The following SMAP1 variants were observed in gnomAD, a reference collection of about 807,000 sequenced individuals.
SMAP1 encodes small ArfGAP 1.
In SMAP1, 24 loss-of-function variants were observed where a neutral mutation model predicts 58.5. The observed-to-expected ratio is 0.41, with a 90% CI of 0.30 to 0.58. The LOEUF is 0.58. SMAP1 is among the 20% of genes least tolerant of loss of function. The probability of loss-of-function intolerance (pLI) is 0.29; values close to 1 mark genes in which losing one functional copy is unlikely to be tolerated. For missense variants in SMAP1, 563 were observed against 566.3 expected, an observed-to-expected ratio of 0.99 and a Z score of 0.06; for synonymous variants, 216 against 196.6, an observed-to-expected ratio of 1.10 and a Z score of -0.82.
At chr6:70,850,400 T>C (rs2150008176) in intron 7 of SMAP1, among the ~76,000 whole-genome samples, 1 of 152,244 alleles carries the variant, frequency 6.6e-6, no homozygotes, top group East Asian at 1.9e-4. Context: ...AAAACAACTA[T>C]AACGGAAAAA....
At chr6:70,852,466 A>G (rs1057449131) in intron 7 of SMAP1, 74 bp from the exon 8 acceptor site, 8 of 1,325,030 alleles carry the variant, frequency 6.0e-6, no homozygotes, top group Admixed American at 2.9e-5. Context: ...CCATATATCA[A>G]TTTTTAAAAT....
chr6:70,765,696 T>G (rs1766942175), intron 3 of SMAP1, among the ~76,000 whole-genome samples: 1 of 152,108 alleles, frequency 6.6e-6, no homozygotes, highest in Admixed American at 6.5e-5. Context: ...TGACAAATTT[T>G]TATTTTACAA....
chr6:70,801,508 TTTTAG>T (rs1317021356), intron 6 of SMAP1, among the ~76,000 whole-genome samples: 5 of 152,126 alleles, frequency 3.3e-5, no homozygotes, highest in African/African-American at 9.7e-5. Flanking sequence ...TGCAGAAGCT[TTTTAG>T]TTTAATTAGA....
intron 2 of SMAP1, among the ~76,000 whole-genome samples, chr6:70,748,943 T>C (rs553275607): frequency 2.6e-5 from 4 of 152,178 alleles, no homozygotes; most frequent in South Asian, 2.1e-4. Context: ...AAAAATCTTT[T>C]GACCCATAGG....
At chr6:70,727,913 A>G (rs1168923766) in intron 1 of SMAP1, among the ~76,000 whole-genome samples, 1 of 152,114 alleles carries the variant, frequency 6.6e-6, no homozygotes, top group Non-Finnish European at 1.5e-5. Context: ...AAATACAAAA[A>G]TTAGCTGGGC....
intron 6 of SMAP1, among the ~76,000 whole-genome samples, chr6:70,806,301 G>A (rs1769127998): frequency 6.6e-6 from 1 of 152,214 alleles, no homozygotes; most frequent in Admixed American, 6.5e-5. Flanking sequence ...TGTGAGCGTG[G>A]GACCTGCCAA....
In SMAP1 at chr6:70,803,497, A is replaced by G. The variant is rs184919710; in HGVS notation, c.576+4760A>G. 2.6e-5 allele frequency among the ~76,000 whole-genome samples: 4 copies of G among 151,882 alleles called. No individual in the cohort carries two copies. In the East Asian group the frequency reaches 7.7e-4, roughly 29 times the overall value. ...GTTTTTTTGTGTCTCTATTTCCTTCAGTTCTGCTCTGATCTTAGTTATTTC... is the reference window on the plus strand; with the variant it reads ...GTTTTTTTGTGTCTCTATTTCCTTCGGTTCTGCTCTGATCTTAGTTATTTC... On this transcript the variant is annotated intron_variant, in intron 6 of 10. Coordinates refer to ENST00000370455, the MANE Select transcript of SMAP1 (RefSeq NM_001044305.3).
At chr6:70,697,985 A>G (rs979323687) in intron 1 of SMAP1, among the ~76,000 whole-genome samples, 1 of 152,140 alleles carries the variant, frequency 6.6e-6, no homozygotes, top group Admixed American at 6.5e-5. Context: ...TTGTGTGCTT[A>G]CTATTACCAG....
chr6:70,835,542 GT>G (rs1562194112), intron 6 of SMAP1, among the ~76,000 whole-genome samples: 1 of 152,066 alleles, frequency 6.6e-6, no homozygotes, highest in Non-Finnish European at 1.5e-5. Flanking sequence ...GTCTTACTCT[GT>G]TGCCCAGGCT....
At chr6:70,848,749 C>G (rs1771080566) in intron 7 of SMAP1, among the ~76,000 whole-genome samples, 1 of 152,040 alleles carries the variant, frequency 6.6e-6, no homozygotes, top group South Asian at 2.1e-4. Context: ...CTTTAATTGT[C>G]TTTTTTAAAC....
At chr6:70,815,870 T>C (rs1769607477) in intron 6 of SMAP1, among the ~76,000 whole-genome samples, 1 of 152,076 alleles carries the variant, frequency 6.6e-6, no homozygotes, top group Non-Finnish European at 1.5e-5. Flanking sequence ...AATCTTGGGA[T>C]TGAATGTAGC....
intron 3 of SMAP1, among the ~76,000 whole-genome samples, chr6:70,765,155 T>C (rs1396966969): frequency 6.6e-6 from 1 of 152,190 alleles, no homozygotes; most frequent in Non-Finnish European, 1.5e-5. Flanking sequence ...AAATGGAATG[T>C]TTAGATTTTA....
chr6:70,677,030 A>G (rs185074234), intron 1 of SMAP1, among the ~76,000 whole-genome samples: 2 of 152,190 alleles, frequency 1.3e-5, no homozygotes, highest in East Asian at 1.9e-4. Context: ...GCCTCAAGCA[A>G]TCCTCTTGCC....
chr6:70,725,455 A>G (rs1768734356), intron 1 of SMAP1, among the ~76,000 whole-genome samples: 1 of 151,922 alleles, frequency 6.6e-6, no homozygotes, highest in African/African-American at 2.4e-5. Flanking sequence ...TCACAAACAT[A>G]CCCGACCCAT....
chr6:70,763,538 T>C (rs1292125149), intron 3 of SMAP1, among the ~76,000 whole-genome samples: 1 of 152,158 alleles, frequency 6.6e-6, no homozygotes, highest in Admixed American at 6.6e-5. Context: ...CTCACCTTGC[T>C]CATTTTAAAT....
At chr6:70,689,549 A>T (rs1031197257) in intron 1 of SMAP1, among the ~76,000 whole-genome samples, 1 of 152,162 alleles carries the variant, frequency 6.6e-6, no homozygotes, top group African/African-American at 2.4e-5. Context: ...TGTTATGCCT[A>T]TTCTAGGTTT....
intron 1 of SMAP1, among the ~76,000 whole-genome samples, chr6:70,715,352 A>C (rs113568800): frequency 0.038 from 5,768 of 152,030 alleles, 419 homozygotes; most frequent in African/African-American, 0.13. Context: ...TTGGCCTCCC[A>C]AAGTGTTGGG....
intron 4 of SMAP1, among the ~76,000 whole-genome samples, chr6:70,785,777 C>G (rs1767992663): frequency 6.6e-6 from 1 of 152,154 alleles, no homozygotes; most frequent in African/African-American, 2.4e-5. Context: ...CTGAATAGAC[C>G]AATAACAGGC....
chr6:70,812,438 T>C (rs1313750418), intron 6 of SMAP1, among the ~76,000 whole-genome samples: 1 of 152,214 alleles, frequency 6.6e-6, no homozygotes, highest in Non-Finnish European at 1.5e-5. Context: ...TGATTAGACA[T>C]GTAGTCTTGA....
Sources: gnomAD v4.1 joint callset for allele counts (sites outside exome capture counted in the v4.1 genomes callset) on GRCh38, gnomAD v4.1.1 for gene constraint, MANE v1.5 for transcripts, NCBI Gene and HGNC (gene_info 2026-07-23, HGNC 2026-07-21) for gene names.